Variants in CAMK2B observed in about 807,000 individuals in gnomAD.
The protein encoded by CAMK2B is calcium/calmodulin-dependent protein kinase type II subunit beta.
A neutral mutation model predicts 93.7 loss-of-function variants in CAMK2B; 27 were observed. That is an observed-to-expected ratio of 0.29 (90% CI 0.21 to 0.40). CAMK2B has a LOEUF of 0.40. Ranked by LOEUF, CAMK2B falls within the 10% of genes least tolerant of loss-of-function variation. CAMK2B has a pLI of 1.00. For missense variants in CAMK2B, 568 were observed against 895.8 expected (o/e 0.63, Z 4.67); for synonymous variants, 374 against 358.8 (o/e 1.04, Z -0.48).
At chr7:44,229,746 G>T in intron 17 of CAMK2B, 1 of 435,754 alleles carries the variant, frequency 2.3e-6, no homozygotes, top group Non-Finnish European at 4.0e-6. Context: ...CAGAGGCCAG[G>T]GCAGCACAGG....
At chr7:44,304,914 A>G (rs1791039700) in intron 1 of CAMK2B, among the ~76,000 whole-genome samples, 1 of 152,208 alleles carries the variant, frequency 6.6e-6, no homozygotes, top group South Asian at 2.1e-4. Flanking sequence ...AATGAAGCCC[A>G]TTAATTTCTT....
intron 1 of CAMK2B, among the ~76,000 whole-genome samples, chr7:44,310,105 C>A (rs1185241050): frequency 6.6e-6 from 1 of 152,260 alleles, no homozygotes; most frequent in Non-Finnish European, 1.5e-5. Context: ...AGTTAGGATA[C>A]GCTTTGTGCC....
At chr7:44,222,957 C>T (rs1168332617) in intron 20 of CAMK2B, among the ~76,000 whole-genome samples, 1 of 152,216 alleles carries the variant, frequency 6.6e-6, no homozygotes, top group Non-Finnish European at 1.5e-5. Context: ...ATGTCCCCTG[C>T]TGCACAGTGA....
intron 20 of CAMK2B, 143 bp from the exon 21 acceptor site, chr7:44,221,044 C>A (rs190908762): frequency 1.6e-6 from 1 of 635,124 alleles, no homozygotes. Context: ...AGGTCCTCTC[C>A]GCCGCCCCCC....
chr7:44,229,823 G>A (rs1332371881), intron 17 of CAMK2B: 3 of 265,482 alleles, frequency 1.1e-5, no homozygotes, highest in African/African-American at 2.2e-5. Context: ...CCCCTGGCCA[G>A]AGCCAGCAGA....
chr7:44,228,037 A>G (rs936564499), intron 19 of CAMK2B, among the ~76,000 whole-genome samples: 12 of 151,618 alleles, frequency 7.9e-5, no homozygotes, highest in African/African-American at 2.4e-4. Context: ...TGAAGGGCAG[A>G]TGCTCTGGCT....
intron 19 of CAMK2B, 78 bp downstream of exon 19, chr7:44,228,718 T>G: frequency 1.5e-6 from 2 of 1,327,728 alleles, no homozygotes; most frequent in Non-Finnish European, 2.0e-6. Flanking sequence ...TGCATGCAGG[T>G]GGGAAGCTGC....
chr7:44,228,868 C>T lies in CAMK2B; in HGVS notation c.1396G>A (p.Ala466Thr), dbSNP rs775071445. Residue 466 changes from alanine to threonine, a missense_variant, in exon 19 of 24, where the codon GCC becomes ACC. By Grantham distance (58) the Ala-to-Thr change is moderately conservative. Around this residue, in one of 4 missense-constraint regions of CAMK2B, gnomAD observed 308 missense variants for 292.1 expected, o/e 1.05. Coordinates refer to ENST00000395749, the MANE Select transcript of CAMK2B (RefSeq NM_001220.5). ...SVRRGSGTPEAEGPLSAGPPP... is the reference protein window; with the variant it reads ...SVRRGSGTPETEGPLSAGPPP... ...GGCCCCGCTGAGAGGGGGCCCTCGG[C>T]TTCTGGGGTTCCTGAACCCCTTCTC... 3 of 1,563,546 alleles carry T rather than the reference C, an allele frequency of 1.9e-6. No homozygotes were observed. The South Asian group carries it at 3.5e-5, about 18-fold the overall frequency.
chr7:44,274,896 A>T (rs1318663895), intron 2 of CAMK2B, among the ~76,000 whole-genome samples: 1 of 152,166 alleles, frequency 6.6e-6, no homozygotes, highest in African/African-American at 2.4e-5. Flanking sequence ...ATCCCACCAG[A>T]TGTGGGAACT....
At chr7:44,318,321 G>A (rs1410505109) in intron 1 of CAMK2B, among the ~76,000 whole-genome samples, 1 of 152,212 alleles carries the variant, frequency 6.6e-6, no homozygotes, top group Non-Finnish European at 1.5e-5. Context: ...CTGGACATCA[G>A]AATACCCGCA....
At chr7:44,298,859 T>A (rs1433682630) in intron 1 of CAMK2B, among the ~76,000 whole-genome samples, 1 of 150,192 alleles carries the variant, frequency 6.7e-6, no homozygotes, top group Non-Finnish European at 1.5e-5. Context: ...ATGACTATTA[T>A]AAATTTTTTT....
chr7:44,291,032 C>T (rs1786643640), intron 1 of CAMK2B, among the ~76,000 whole-genome samples: 1 of 152,176 alleles, frequency 6.6e-6, no homozygotes. Flanking sequence ...TGTCTTCTTA[C>T]ACAATTAGGG....
intron 12 of CAMK2B, 84 bp from the exon 13 acceptor site, chr7:44,239,747 G>A (rs2128956012): frequency 1.1e-6 from 1 of 937,970 alleles, no homozygotes. Context: ...GAAGAAAAGA[G>A]ACAAAGGAAG....
intron 1 of CAMK2B, among the ~76,000 whole-genome samples, chr7:44,319,577 G>A (rs532375139): frequency 1.3e-5 from 2 of 152,242 alleles, no homozygotes; most frequent in East Asian, 1.9e-4. Flanking sequence ...CTTTGACCGC[G>A]GCAGGAGTCC....
chr7:44,258,859 C>T lies in CAMK2B; in HGVS notation c.275+13G>A. On this transcript the variant is annotated intron_variant, in intron 4 of 23. Coordinates refer to ENST00000395749, the MANE Select transcript of CAMK2B (RefSeq NM_001220.5). ...GAGTGAGTGCAGCGAGAGTCCCCAG[C>T]TCTGGAACTTACAGATCGAAGACCA... 1 of 1,613,092 alleles carries T rather than the reference C, an allele frequency of 6.2e-7. No homozygotes were observed. The highest frequency in any genetic ancestry group is 2.2e-5 in the East Asian group (1 of 44,864).
At chr7:44,256,893 G>A (rs1015814260) in intron 4 of CAMK2B, among the ~76,000 whole-genome samples, 2 of 152,210 alleles carry the variant, frequency 1.3e-5, no homozygotes, top group East Asian at 3.8e-4. Flanking sequence ...CTCCACCCAC[G>A]TTGGTTGCTG....
In CAMK2B at chr7:44,321,907, G is replaced by A. The variant is rs568929624; in HGVS notation, c.65+3450C>T. On this transcript the variant is annotated intron_variant, in intron 1 of 23. Transcript: ENST00000395749. ...CGGCCCCAACGCTGCTGTGTGAGTG[G>A]ACACTGCAGGGAGAGTGGCGGCACC... Among the ~76,000 whole-genome samples, 31 of 152,358 alleles carry A rather than the reference G, an allele frequency of 2.0e-4. 1 individual carries two copies. Among genetic ancestry groups the A allele is most frequent in the African/African-American group, 7.5e-4 (31 of 41,576 alleles).
intron 13 of CAMK2B, among the ~76,000 whole-genome samples, chr7:44,239,257 C>A (rs575675793): frequency 3.1e-4 from 38 of 123,760 alleles, no homozygotes; most frequent in African/African-American, 1.2e-3. Flanking sequence ...CCCCCAGCAG[C>A]AGGCCCAGTG....
chr7:44,294,353 A>C (rs1191946129), intron 1 of CAMK2B, among the ~76,000 whole-genome samples: 1 of 152,130 alleles, frequency 6.6e-6, no homozygotes, highest in Non-Finnish European at 1.5e-5. Flanking sequence ...AGGTAGCAAA[A>C]GGGCTACGGA....
Sources: allele counts gnomAD v4.1 joint callset (sites outside exome capture counted in the v4.1 genomes callset), GRCh38; gene constraint gnomAD v4.1.1; regional missense constraint gnomAD v4.1.1; transcripts MANE v1.5; gene names NCBI Gene and HGNC (gene_info 2026-07-23, HGNC 2026-07-21).